Variants in KALRN observed in about 807,000 individuals in gnomAD.
The protein encoded by KALRN is kalirin.
Under a neutral mutation model 353.7 loss-of-function variants are expected in KALRN, and 70 were observed. The observed-to-expected ratio is 0.20, with a 90% confidence interval of 0.16 to 0.24. The LOEUF is 0.24. Among genes scored for constraint, KALRN ranks in the 10% least tolerant of loss-of-function variants. KALRN has a pLI of 1.00. For synonymous variants in KALRN, 1,391 were observed against 1,434.8 expected (o/e 0.97, Z 0.69); for missense variants, 2,791 against 3,756.7 (o/e 0.74, Z 6.72).
chr3:124,301,083 T>G (rs192995728), intron 6 of KALRN, among the ~76,000 whole-genome samples: 262 of 152,284 alleles, frequency 1.7e-3, no homozygotes, highest in Middle Eastern at 3.4e-3. Context: ...ACAAACTCAT[T>G]TTAATAAGCA....
At chr3:124,338,653 C>A (rs765685543) in intron 9 of KALRN, among the ~76,000 whole-genome samples, 8 of 152,166 alleles carry the variant, frequency 5.3e-5, no homozygotes, top group African/African-American at 1.7e-4. Context: ...CTATTAGGTC[C>A]GCTTGGTCCA....
At chr3:124,086,630 T>A (rs1269300031) in intron 1 of KALRN, among the ~76,000 whole-genome samples, 1 of 152,204 alleles carries the variant, frequency 6.6e-6, no homozygotes, top group Admixed American at 6.5e-5. Flanking sequence ...TCCTGCATTA[T>A]CTTTTAACAT....
At chr3:124,298,406 A>C (rs2077010536) in intron 5 of KALRN, among the ~76,000 whole-genome samples, 1 of 152,110 alleles carries the variant, frequency 6.6e-6, no homozygotes, top group African/African-American at 2.4e-5. Flanking sequence ...TGCTTCCTTC[A>C]AAGATTTCTC....
At chr3:124,576,868 G>A (rs1244636248) in intron 34 of KALRN, among the ~76,000 whole-genome samples, 1 of 152,194 alleles carries the variant, frequency 6.6e-6, no homozygotes, top group Non-Finnish European at 1.5e-5. Flanking sequence ...TGATAGACTG[G>A]CACTCTTATA....
chr3:124,653,968 C>A (rs2083702066), intron 38 of KALRN, among the ~76,000 whole-genome samples: 1 of 152,214 alleles, frequency 6.6e-6, no homozygotes, highest in South Asian at 2.1e-4. Context: ...GACAGGTCCA[C>A]TAGCAGCACC....
intron 16 of KALRN, among the ~76,000 whole-genome samples, chr3:124,431,025 G>C (rs1228067745): frequency 6.6e-6 from 1 of 152,202 alleles, no homozygotes; most frequent in Non-Finnish European, 1.5e-5. Context: ...TTACCTATCA[G>C]TACCTTCAAC....
At position 124,536,091 on chromosome 3, in the gene KALRN, G is replaced by A. The variant is rs1010879987; in HGVS notation, c.4936-26752G>A. On this transcript the variant is annotated intron_variant, in intron 33 of 59. Coordinates refer to ENST00000682506, the MANE Select transcript of KALRN (RefSeq NM_001388419.1). ...ACCAGGGAAATGTAGTCTTTTACTG[G>A]GTAACAATGTGTCTCCCCCAGCCAC... Among the ~76,000 whole-genome samples, 5 of 152,066 alleles carry A rather than the reference G, an allele frequency of 3.3e-5. No individual in the cohort carries two copies. In the South Asian group the frequency reaches 1.0e-3, roughly 31 times the overall value.
In KALRN at chr3:124,490,695, G is replaced by T. The variant is rs750769003; in HGVS notation, c.4398G>T (p.Gly1466=). 2 of 1,611,940 alleles carry T rather than the reference G, an allele frequency of 1.2e-6. No homozygotes were observed. ...AGGGTGGAAATGGATGTTTTTCAGG[G>T]TTCGACGAGAACCTGGATGTGCAGG... ...NDAMHVSMLE[G]FDENLDVQGE... The change falls in exon 30 of 60, where the codon GGG becomes GGT. Residue 1466 remains glycine, a splice_region_variant and synonymous_variant. Transcript: ENST00000682506.
intron 51 of KALRN, among the ~76,000 whole-genome samples, chr3:124,686,567 T>A (rs2061567021): frequency 6.6e-6 from 1 of 152,074 alleles, no homozygotes; most frequent in South Asian, 2.1e-4. Flanking sequence ...TGGCACATGC[T>A]GAGCAGGTAT....
At chr3:124,439,791 G>A (rs920010809) in intron 18 of KALRN, among the ~76,000 whole-genome samples, 1 of 152,174 alleles carries the variant, frequency 6.6e-6, no homozygotes, top group Non-Finnish European at 1.5e-5. Flanking sequence ...GGTGTGGGAA[G>A]TCCTTGTGAG....
intron 10 of KALRN, among the ~76,000 whole-genome samples, chr3:124,362,981 A>G (rs910423900): frequency 6.6e-6 from 1 of 152,200 alleles, no homozygotes; most frequent in Non-Finnish European, 1.5e-5. Flanking sequence ...AAACTTTGCA[A>G]GTTTATAAAG....
In KALRN at chr3:124,312,857, C is replaced by G. The variant is rs868825343; in HGVS notation, c.1093-13123C>G. Among the ~76,000 whole-genome samples, 4 of 152,336 alleles carry G rather than the reference C, an allele frequency of 2.6e-5. No individual in the cohort carries two copies. The Middle Eastern group carries it at 0.01, about 389-fold the overall frequency. On this transcript the variant is annotated intron_variant, in intron 6 of 59. Coordinates refer to ENST00000682506, the MANE Select transcript of KALRN (RefSeq NM_001388419.1). ...AGAGTATAAACTCCTAAAGGCAGAG[C>G]TTTGTCTGTTTTATTCACAGCTGTA...
At chr3:124,110,543 T>C (rs924794834) in intron 1 of KALRN, among the ~76,000 whole-genome samples, 3 of 152,072 alleles carry the variant, frequency 2.0e-5, no homozygotes, top group Admixed American at 1.3e-4. Flanking sequence ...TGTATTCTGC[T>C]ATTCCTGATG....
intron 3 of KALRN, among the ~76,000 whole-genome samples, chr3:124,250,127 G>T (rs921465865): frequency 2.6e-5 from 4 of 152,186 alleles, no homozygotes; most frequent in Non-Finnish European, 5.9e-5. Context: ...ATGTGTCTGC[G>T]TGCTGCAGGC....
chr3:124,361,808 T>TC (rs919390683), intron 10 of KALRN, among the ~76,000 whole-genome samples: 2 of 64,582 alleles, frequency 3.1e-5, no homozygotes, highest in Non-Finnish European at 6.2e-5. Context: ...GTGGCAGCAG[T>TC]GGGGGTGGGG....
At chr3:124,597,397 G>C (rs2076372623) in intron 34 of KALRN, among the ~76,000 whole-genome samples, 1 of 152,228 alleles carries the variant, frequency 6.6e-6, no homozygotes, top group African/African-American at 2.4e-5. Context: ...GTGCTGCGAG[G>C]TCCTGCCAGA....
intron 33 of KALRN, among the ~76,000 whole-genome samples, chr3:124,540,694 C>T (rs1400524310): frequency 6.6e-6 from 1 of 152,178 alleles, no homozygotes; most frequent in African/African-American, 2.4e-5. Flanking sequence ...CATTTTCAGT[C>T]CAGAACTCTT....
chr3:124,492,697 A>T (rs2108470770), intron 31 of KALRN, 43 bp from the exon 32 acceptor site: 6 of 1,601,680 alleles, frequency 3.7e-6, no homozygotes, highest in South Asian at 2.2e-5. Context: ...TGGTAAGGTG[A>T]TGGGAGTTGG....
intron 1 of KALRN, among the ~76,000 whole-genome samples, chr3:124,198,799 G>C (rs1159602220): frequency 6.6e-6 from 1 of 152,214 alleles, no homozygotes; most frequent in Non-Finnish European, 1.5e-5. Context: ...AGGAATCGCT[G>C]CTCTAGAAGC....
Sources: gnomAD v4.1 joint callset for allele counts (sites outside exome capture counted in the v4.1 genomes callset) on GRCh38, gnomAD v4.1.1 for gene constraint, MANE v1.5 for transcripts, NCBI Gene and HGNC (gene_info 2026-07-23, HGNC 2026-07-21) for gene names.